CDC25B: variants seen among roughly 807,000 people sequenced by gnomAD.
The protein encoded by CDC25B is cell division cycle 25B, also known as M-phase inducer phosphatase 2.
A neutral mutation model predicts 69.8 loss-of-function variants in CDC25B; 33 were observed. That is an observed-to-expected ratio of 0.47 (90% CI 0.36 to 0.63). The LOEUF (loss-of-function observed/expected upper bound fraction) is 0.63, where lower values mean the gene tolerates loss of function less well. Among genes scored for constraint, CDC25B ranks in the 30% least tolerant of loss-of-function variants. The pLI is 0.00. For missense variants in CDC25B, 727 were observed against 809.1 expected (o/e 0.90, Z 1.23); for synonymous variants, 341 against 314.6 (o/e 1.08, Z -0.89).
intron 3 of CDC25B, 131 bp downstream of exon 3, chr20:3,798,594 G>GC (rs1442605030): frequency 3.4e-6 from 2 of 583,758 alleles, no homozygotes; most frequent in Non-Finnish European, 5.8e-6. Context: ...GATCCCCATG[G>GC]CCGGGGGGCT....
chr20:3,788,889 CTTCCTTTCCT>C (rs371809749), intron 1 of CDC25B, among the ~76,000 whole-genome samples: 2 of 147,814 alleles, frequency 1.4e-5, no homozygotes, highest in East Asian at 2.0e-4. Flanking sequence ...CTTCCTTTCT[CTTCCTTTCCT>C]TTCCTTTCCT....
rs2089055747 is a variant in CDC25B at position 3,796,496 on chromosome 20, C to T, written c.-36C>T. The T allele has an allele frequency of 7.0e-7, 1 of 1,438,238 alleles. No individual in the cohort carries two copies. The highest frequency in any genetic ancestry group is 9.1e-7 in the Non-Finnish European group (1 of 1,096,434). The allele number at this position is 1,438,238 out of a possible 1,614,324, so 89.1% of individuals were successfully genotyped here. A position where few individuals can be genotyped will look rare whatever the true frequency, so the allele number is the denominator to read the frequency against. ...CGGCGTTTGTTGGCTGCCCTGCGCC[C>T]GGCCCTCCAGCCAGCCTTCTGCCGG... On this transcript the variant is annotated 5_prime_UTR_variant, in exon 1 of 16. Coordinates refer to ENST00000245960, the MANE Select transcript of CDC25B (RefSeq NM_021873.4).
chr20:3,804,958 G>A lies in CDC25B; in HGVS notation c.1740G>A (p.Gln580=), dbSNP rs764486877. ...AGCTCTGTAGCCGGCTGCAGGACCA[G>A]TGAGGGGCCTGCGCCAGTCCTGCTA... ...RRELCSRLQD[Q] Residue 580 remains glutamine (Q), a synonymous_variant, in exon 16 of 16, where the codon CAG becomes CAA. Coordinates refer to ENST00000245960, the MANE Select transcript of CDC25B (RefSeq NM_021873.4). The A allele has an allele frequency of 6.8e-6, 11 of 1,611,894 alleles. No individual in the cohort carries two copies. Among genetic ancestry groups the A allele is most frequent in the Non-Finnish European group, 9.3e-6 (11 of 1,179,888 alleles).
In CDC25B at chr20:3,805,550, G is replaced by A; in HGVS notation, c.*589G>A. 2.6e-6 allele frequency: 1 copy of A among 388,434 alleles called. No individual in the cohort carries two copies. The highest frequency in any genetic ancestry group is 4.5e-6 in the Non-Finnish European group (1 of 220,036). 24.1% of individuals were successfully genotyped at this position (388,434 alleles called of 1,614,324 possible). The stretch of plus-strand genomic sequence containing the variant: ...TCTTTCCTATTTCAGTGTTACCTGT[G>A]TGCTTGGTCTGTTTGACTTTACGCC... On this transcript the variant is annotated 3_prime_UTR_variant, in exon 16 of 16. Coordinates refer to ENST00000245960, the MANE Select transcript of CDC25B (RefSeq NM_021873.4).
chr20:3,800,995 T>C lies in CDC25B; in HGVS notation c.607T>C (p.Trp203Arg). The C allele has an allele frequency of 6.2e-7, 1 of 1,614,058 alleles. No homozygotes were observed. The highest frequency in any genetic ancestry group is 8.5e-7 in the Non-Finnish European group (1 of 1,179,906). ...GGATGGATTTGTCTTCAAGATGCCA[T>C]GGAAGCCCACACATCCCAGCTCCAC... ...ENDGFVFKMP[W>R]KPTHPSSTHA... The change falls in exon 7 of 16, where the codon TGG becomes CGG. Residue 203 changes from tryptophan (W) to arginine (R), a missense_variant. By Grantham distance (101) the Trp-to-Arg change is moderately radical. This residue lies in a region of CDC25B where 368 missense variants were observed against 345.6 expected (regional missense o/e 1.06). Coordinates refer to ENST00000245960, the MANE Select transcript of CDC25B (RefSeq NM_021873.4).
At chr20:3,801,205 C>T (rs750968759) in intron 7 of CDC25B, 49 bp from the exon 8 acceptor site, 35 of 1,604,022 alleles carry the variant, frequency 2.2e-5, no homozygotes, top group Admixed American at 5.0e-5. Flanking sequence ...AGGATGGGGG[C>T]GGGAACTATC....
Position 3,802,936 on chromosome 20 carries a change from A to G in CDC25B, c.1221A>G (p.Gly407=), listed in dbSNP as rs774347949. 1.9e-6 allele frequency: 3 copies of G among 1,614,120 alleles called. No homozygotes were observed. The Admixed American group carries it at 5.0e-5, about 27-fold the overall frequency. Residue 407 remains glycine, a synonymous_variant, in exon 12 of 16, where the codon GGA becomes GGG. Coordinates refer to ENST00000245960, the MANE Select transcript of CDC25B (RefSeq NM_021873.4). The part of the protein sequence containing the change: ...SKAFLLQTVD[G]KHQDLKYISP... ...CCTTCCTCCTACAGACAGTAGACGG[A>G]AAGCACCAAGACCTCAAGTACATCT...
intron 2 of CDC25B, 78 bp from the exon 3 acceptor site, chr20:3,798,334 T>TGA: frequency 1.5e-6 from 1 of 673,092 alleles, no homozygotes. Flanking sequence ...TTTTTTTTTT[T>TGA]TTTCATATTG....
Position 3,800,498 on chromosome 20 carries a change from G to A in CDC25B, c.459G>A (p.Pro153=), listed in dbSNP as rs201436986. 20 of 1,614,008 alleles carry A rather than the reference G, an allele frequency of 1.2e-5. No homozygotes were observed. Among genetic ancestry groups the A allele is most frequent in the East Asian group, 2.2e-5 (1 of 44,902 alleles). Residue 153 remains proline (P), a splice_region_variant and synonymous_variant, in exon 5 of 16, where the codon CCG becomes CCA. Transcript: ENST00000245960. ...CCATCAGACGCTTCCAGTCTATGCCGGTGAGTGTCTTCGAGGCCTGACTGA... is the reference window on the plus strand; with the variant it reads ...CCATCAGACGCTTCCAGTCTATGCCAGTGAGTGTCTTCGAGGCCTGACTGA... ...QFAIRRFQSM[P]VRLLGHSPVL...
At chr20:3,797,113 C>T (rs1473481745) in intron 1 of CDC25B, among the ~76,000 whole-genome samples, 1 of 152,144 alleles carries the variant, frequency 6.6e-6, no homozygotes, top group African/African-American at 2.4e-5. Context: ...AGCCGTGGAG[C>T]ACTCACACAT....
Position 3,802,098 on chromosome 20 carries a change from C to T in CDC25B, c.1096C>T (p.Pro366Ser). Residue 366 changes from proline (P) to serine (S), a missense_variant and splice_region_variant, in exon 10 of 16, where the codon CCT (proline) becomes TCT (serine). Around this residue, in one of 2 missense-constraint regions of CDC25B, gnomAD observed 359 missense variants for 463.4 expected, o/e 0.77. Coordinates refer to ENST00000245960, the MANE Select transcript of CDC25B (RefSeq NM_021873.4). ...PPEEQQEAEE[P>S]KARVLRSKSL... ...TGAGGAGCAGCAGGAGGCTGAGGAA[C>T]CTGTGAGTGCCTTCCTCCTGGGGTT... The T allele has an allele frequency of 6.5e-7, 1 of 1,548,204 alleles. No homozygotes were observed. The highest frequency in any genetic ancestry group is 8.7e-7 in the Non-Finnish European group (1 of 1,143,984).
At position 3,805,626 on chromosome 20, in the gene CDC25B, TTACCCACTCGGTCCCAGTTTTG is replaced by T. The variant is rs11570022; in HGVS notation, c.*667_*688del. Reference sequence around the variant, plus strand: ...TTTAGGTTCCCCTGTCAAATATCAGTTACCCACTCGGTCCCAGTTTTGTTGCCCCAGAAAGGGATGTTATTAT... The same window carrying T: ...TTTAGGTTCCCCTGTCAAATATCAGTTTGCCCCAGAAAGGGATGTTATTAT... On this transcript the variant is annotated 3_prime_UTR_variant, in exon 16 of 16. Transcript: ENST00000245960. The T allele has an allele frequency of 0.04, 16,149 of 398,834 alleles. 438 individuals carry two copies. Among genetic ancestry groups the T allele is most frequent in the Non-Finnish European group, 0.053 (12,094 of 226,316 alleles). The allele number at this position is 398,834 out of a possible 1,614,324, so 24.7% of individuals were successfully genotyped here.
At chr20:3,792,192 G>A (rs1261976247), upstream of CDC25B, among the ~76,000 whole-genome samples, 1 of 152,212 alleles carries the variant, frequency 6.6e-6, no homozygotes, top group East Asian at 1.9e-4. Flanking sequence ...GGGATTACAG[G>A]TGTGAGCCAG....
intron 2 of CDC25B, 82 bp downstream of exon 2, chr20:3,797,831 C>T (rs542040808): frequency 2.0e-5 from 31 of 1,537,112 alleles, no homozygotes; most frequent in African/African-American, 1.8e-4. Flanking sequence ...ATTTCCCTGC[C>T]GATCAAACTA....
At chr20:3,794,753 AG>A (rs1018483970), upstream of CDC25B, among the ~76,000 whole-genome samples, 7 of 152,142 alleles carry the variant, frequency 4.6e-5, no homozygotes, top group Admixed American at 4.6e-4. Context: ...CACCCCTCTC[AG>A]GTGGGGCTGG....
intron 9 of CDC25B, 22 bp downstream of exon 9, chr20:3,801,824 C>T: frequency 6.3e-7 from 1 of 1,589,556 alleles, no homozygotes; most frequent in Non-Finnish European, 8.6e-7. Context: ...GGGTGGCCCC[C>T]TCCGAATTTG....
At chr20:3,797,892 C>T in intron 2 of CDC25B, 143 bp downstream of exon 2, 1 of 1,000,606 alleles carries the variant, frequency 1.0e-6, no homozygotes, top group Non-Finnish European at 1.5e-6. Context: ...CCACCCTCCA[C>T]AGAAATGGGA....
upstream of CDC25B, among the ~76,000 whole-genome samples, chr20:3,794,273 T>A (rs1349348871): frequency 6.6e-6 from 1 of 151,438 alleles, no homozygotes; most frequent in Non-Finnish European, 1.5e-5. Flanking sequence ...GTTTCCTGAC[T>A]TTTTAATGAT....
intron 1 of CDC25B, among the ~76,000 whole-genome samples, chr20:3,787,530 C>T (rs1277655333): frequency 6.6e-6 from 1 of 152,154 alleles, no homozygotes; most frequent in African/African-American, 2.4e-5. Flanking sequence ...CTTTTCCATG[C>T]ATATAGCCAT....
Sources: gnomAD v4.1 joint callset for allele counts (sites outside exome capture counted in the v4.1 genomes callset) on GRCh38, gnomAD v4.1.1 for gene constraint, gnomAD v4.1.1 regional missense constraint, MANE v1.5 for transcripts, NCBI Gene and HGNC (gene_info 2026-07-23, HGNC 2026-07-21) for gene names.